The following PTPRQ variants were observed in gnomAD, a reference collection of about 807,000 sequenced individuals.
PTPRQ encodes protein tyrosine phosphatase receptor type Q, also known as phosphatidylinositol phosphatase PTPRQ.
A neutral mutation model predicts 246.0 loss-of-function variants in PTPRQ; 199 were observed. The ratio of observed to expected loss-of-function variants is 0.81; its 90% CI spans 0.72 to 0.91. The LOEUF is 0.91. Among genes scored for constraint, PTPRQ ranks in the 40% least tolerant of loss-of-function variants. PTPRQ has a pLI of 0.00. For missense variants in PTPRQ, 2,624 were observed against 2,528.4 expected (o/e 1.04, Z -0.81); for synonymous variants, 869 against 853.2 (o/e 1.02, Z -0.32).
At chr12:80,487,665 T>G (rs1461702801) in intron 9 of PTPRQ, among the ~76,000 whole-genome samples, 2 of 152,138 alleles carry the variant, frequency 1.3e-5, no homozygotes, top group Non-Finnish European at 2.9e-5. Context: ...CAATAGCCAC[T>G]TAATGTTAAG....
chr12:80,604,113 A>G (rs1397351765), intron 26 of PTPRQ, among the ~76,000 whole-genome samples: 1 of 151,566 alleles, frequency 6.6e-6, no homozygotes. Flanking sequence ...TCCTGATTAT[A>G]TCTTCTCCGG....
intron 25 of PTPRQ, among the ~76,000 whole-genome samples, chr12:80,573,260 C>T (rs1424134405): frequency 6.6e-6 from 1 of 152,176 alleles, no homozygotes; most frequent in East Asian, 1.9e-4. Context: ...GAGGCCAAGG[C>T]AGGCGGATCA....
rs1555185254 is a variant in PTPRQ at position 80,473,055 on chromosome 12, A to ACACACGCGCGCG, written c.1186+809_1186+810insGCGCGCGCACAC. On this transcript the variant is annotated intron_variant, in intron 8 of 44. Coordinates refer to ENST00000644991, the MANE Select transcript of PTPRQ (RefSeq NM_001145026.2). ...CACACACTCACACACACGCACACAC[A>ACACACGCGCGCG]CACACACACACACACACACACAGGT... 1.0e-3 allele frequency among the ~76,000 whole-genome samples: 156 copies of ACACACGCGCGCG among 150,558 alleles called. 1 individual carries two copies. Among genetic ancestry groups the ACACACGCGCGCG allele is most frequent in the African/African-American group, 3.5e-3 (143 of 40,534 alleles).
intron 8 of PTPRQ, among the ~76,000 whole-genome samples, chr12:80,475,803 TGAATATATA>T (rs1227735453): frequency 2.6e-5 from 4 of 152,006 alleles, no homozygotes; most frequent in Admixed American, 6.6e-5. Flanking sequence ...AAGTAAGTAT[TGAATATATA>T]GAATATATAG....
At chr12:80,546,409 G>A (rs915493956) in intron 23 of PTPRQ, 147 bp from the exon 24 acceptor site, 13 of 823,750 alleles carry the variant, frequency 1.6e-5, no homozygotes, top group Non-Finnish European at 2.4e-5. Flanking sequence ...CAAAATAAAT[G>A]CTAATATTTG....
In PTPRQ at chr12:80,484,608, AT is replaced by A. The variant is rs1251729193; in HGVS notation, c.1359+5del. The A allele has an allele frequency of 6.5e-7, 1 of 1,548,748 alleles. No homozygotes were observed. Among genetic ancestry groups the A allele is most frequent in the African/African-American group, 1.4e-5 (1 of 72,832 alleles). On this transcript the variant is annotated splice_donor_region_variant and intron_variant, in intron 9 of 44. Coordinates refer to ENST00000644991, the MANE Select transcript of PTPRQ (RefSeq NM_001145026.2). ...CTTTGCTCACTGGAAATAATGAGGT[AT>A]TGCATTTTTATTTCACTTATTGGTG...
At chr12:80,478,232 G>A (rs1459362030) in intron 8 of PTPRQ, among the ~76,000 whole-genome samples, 10 of 150,478 alleles carry the variant, frequency 6.6e-5, no homozygotes, top group East Asian at 1.9e-4. Context: ...CCTGACCCCC[G>A]AGCAGCCTAA....
intron 17 of PTPRQ, among the ~76,000 whole-genome samples, chr12:80,511,379 G>A (rs1895123518): frequency 1.3e-5 from 2 of 152,188 alleles, no homozygotes; most frequent in Admixed American, 6.5e-5. Flanking sequence ...CCCAGTTAGC[G>A]AAAAGGAAGC....
rs939866933 is a variant in PTPRQ at position 80,588,374 on chromosome 12, A to G, written c.4531A>G (p.Arg1511Gly). The G allele has an allele frequency of 2.0e-6, 3 of 1,537,820 alleles. No homozygotes were observed. The highest frequency in any genetic ancestry group is 2.8e-5 in the African/African-American group (2 of 72,524). The change falls in exon 26 of 45, where the codon AGA becomes GGA. Residue 1511 changes from arginine (R) to glycine (G), a missense_variant. Coordinates refer to ENST00000644991, the MANE Select transcript of PTPRQ (RefSeq NM_001145026.2). ...TGGATTAAAGAAATTTAGATGGTAT[A>G]GATTCCAAGTGGCTGCCAGCACCAA... is the stretch of plus-strand genomic sequence containing the variant. The part of the protein sequence containing the change: ...VYGLKKFRWY[R>G]FQVAASTNAG...
intron 25 of PTPRQ, among the ~76,000 whole-genome samples, chr12:80,572,844 G>A (rs1054585410): frequency 6.6e-6 from 1 of 151,922 alleles, no homozygotes; most frequent in Non-Finnish European, 1.5e-5. Context: ...TACATTCCTG[G>A]GATAAAACAC....
intron 14 of PTPRQ, among the ~76,000 whole-genome samples, chr12:80,503,363 A>G (rs1487066973): frequency 6.6e-6 from 1 of 151,848 alleles, no homozygotes; most frequent in African/African-American, 2.4e-5. Flanking sequence ...CGAACTATGC[A>G]TTGAATTGCA....
intron 32 of PTPRQ, among the ~76,000 whole-genome samples, chr12:80,621,284 C>A (rs866182183): frequency 1.3e-5 from 2 of 151,704 alleles, no homozygotes; most frequent in African/African-American, 2.4e-5. Flanking sequence ...GATATACTAC[C>A]AAGTATCATG....
chr12:80,540,611 T>C (rs1347086070), intron 20 of PTPRQ, among the ~76,000 whole-genome samples: 3 of 152,066 alleles, frequency 2.0e-5, no homozygotes, highest in African/African-American at 7.2e-5. Flanking sequence ...ACTTCTGGAG[T>C]AAAACTCCAT....
At chr12:80,614,054 T>C (rs1012287339) in intron 29 of PTPRQ, among the ~76,000 whole-genome samples, 1 of 150,386 alleles carries the variant, frequency 6.6e-6, no homozygotes, top group Non-Finnish European at 1.5e-5. Flanking sequence ...AACCAAGAAG[T>C]TTGCACAATA....
intron 39 of PTPRQ, 47 bp from the exon 40 acceptor site, chr12:80,668,960 G>C: frequency 1.3e-6 from 2 of 1,499,510 alleles, no homozygotes; most frequent in Non-Finnish European, 1.8e-6. Context: ...CTAAAACACT[G>C]TATCTGTGAA....
At chr12:80,476,321 A>G (rs546860530) in intron 8 of PTPRQ, among the ~76,000 whole-genome samples, 2 of 152,162 alleles carry the variant, frequency 1.3e-5, no homozygotes, top group African/African-American at 4.8e-5. Context: ...CATGAGCTCT[A>G]GGTACAATAT....
intron 14 of PTPRQ, among the ~76,000 whole-genome samples, chr12:80,504,232 C>A (rs1334581612): frequency 6.6e-6 from 1 of 151,654 alleles, no homozygotes; most frequent in Non-Finnish European, 1.5e-5. Context: ...ATAATTTCTT[C>A]AATACTATCA....
chr12:80,650,691 C>A (rs957378125), intron 37 of PTPRQ, among the ~76,000 whole-genome samples: 3 of 151,942 alleles, frequency 2.0e-5, no homozygotes, highest in African/African-American at 7.2e-5. Context: ...TCAATAGTGC[C>A]ATAAAATTCT....
At chr12:80,448,376 T>G (rs1232018740) in intron 3 of PTPRQ, among the ~76,000 whole-genome samples, 1 of 151,896 alleles carries the variant, frequency 6.6e-6, no homozygotes, top group Non-Finnish European at 1.5e-5. Context: ...TTTGGATGCC[T>G]TTTTAAAATT....
Sources: allele counts gnomAD v4.1 joint callset (sites outside exome capture counted in the v4.1 genomes callset), GRCh38; gene constraint gnomAD v4.1.1; transcripts MANE v1.5; gene names NCBI Gene and HGNC (gene_info 2026-07-23, HGNC 2026-07-21).